Variants in ZNF614 observed in about 807,000 individuals in gnomAD.
ZNF614 encodes zinc finger protein 614.
In ZNF614, 11 loss-of-function variants were observed where a neutral mutation model predicts 12.8. The observed-to-expected ratio is 0.86, with a 90% CI of 0.54 to 1.43. The LOEUF (loss-of-function observed/expected upper bound fraction) is 1.43. ZNF614 is among the 40% of genes most tolerant of loss of function. ZNF614 has a pLI of 0.00. For missense variants in ZNF614, 664 were observed against 708.8 expected (o/e 0.94, Z 0.72); for synonymous variants, 237 against 237.5 (o/e 1.00, Z 0.02).
intron 1 of ZNF614, among the ~76,000 whole-genome samples, chr19:52,026,511 C>G (rs1600040836): frequency 6.6e-6 from 1 of 152,182 alleles, no homozygotes; most frequent in Non-Finnish European, 1.5e-5. Context: ...TGCGGAAGGC[C>G]GCGGGGACCT....
At chr19:52,025,679 GACTTCTTC>G in intron 2 of ZNF614, 44 bp downstream of exon 2, 1 of 1,603,132 alleles carries the variant, frequency 6.2e-7, no homozygotes, top group South Asian at 1.1e-5. Flanking sequence ...AAGTTCAACT[GACTTCTTC>G]AGGCCACCAT....
At chr19:52,025,177 G>C (rs2086963064) in intron 2 of ZNF614, among the ~76,000 whole-genome samples, 1 of 152,170 alleles carries the variant, frequency 6.6e-6, no homozygotes. Flanking sequence ...TGCAAAGAAT[G>C]CCAATATTCC....
At position 52,015,525 on chromosome 19, in the gene ZNF614, A is replaced by G. The variant is rs1490395588; in HGVS notation, c.*315T>C. On this transcript the variant is annotated 3_prime_UTR_variant, in exon 5 of 5. Coordinates refer to ENST00000270649, the MANE Select transcript of ZNF614 (RefSeq NM_025040.4). ...TTGTATTCACAGAATTTATCTCTGT[A>G]TACTTTTCAGACATATGAGCAGAAA... The G allele has an allele frequency of 9.6e-6, 2 of 208,928 alleles. No homozygotes were observed. The highest frequency in any genetic ancestry group is 2.3e-5 in the African/African-American group (1 of 43,064). The allele number at this position is 208,928 out of a possible 1,614,324, so 12.9% of individuals were successfully genotyped here.
At chr19:52,018,988 C>T (rs1382320491) in intron 2 of ZNF614, among the ~76,000 whole-genome samples, 1 of 152,062 alleles carries the variant, frequency 6.6e-6, no homozygotes, top group Non-Finnish European at 1.5e-5. Context: ...CCCACCTCAG[C>T]CTCTCAAGTA....
rs1401106957 is a variant in ZNF614 at position 52,016,922 on chromosome 19, T to C, written c.676A>G (p.Ile226Val). Reference sequence around the variant, plus strand: ...CTTCCAGGATTCTCTTGTATACAAATGTTCTCATGGTAAATGAGCTGAGAC... The same window carrying C: ...CTTCCAGGATTCTCTTGTATACAAACGTTCTCATGGTAAATGAGCTGAGAC... ...RKSQLIYHEN[I>V]CIQENPGSGQ... The change falls in exon 5 of 5, where the codon ATT (isoleucine) becomes GTT (valine). Residue 226 changes from isoleucine to valine, a missense_variant. By Grantham distance (29) the Ile-to-Val change is conservative. Transcript: ENST00000270649. 6.2e-7 allele frequency: 1 copy of C among 1,614,048 alleles called. No homozygotes were observed. The highest frequency in any genetic ancestry group is 1.3e-5 in the African/African-American group (1 of 74,938).
chr19:52,016,544 A>G lies in ZNF614; in HGVS notation c.1054T>C (p.Phe352Leu), dbSNP rs778975386. The G allele has an allele frequency of 1.2e-6, 2 of 1,614,104 alleles. No homozygotes were observed. Among genetic ancestry groups the G allele is most frequent in the Non-Finnish European group, 1.7e-6 (2 of 1,179,960 alleles). Residue 352 changes from phenylalanine to leucine, a missense_variant, in exon 5 of 5, where the codon TTC becomes CTC. Phe to Leu is a conservative substitution (Grantham distance 22, BLOSUM62 0). Coordinates refer to ENST00000270649, the MANE Select transcript of ZNF614 (RefSeq NM_025040.4). The part of the protein sequence containing the change: ...PYICSECGKG[F>L]TMKRYLVVHQ... Reference sequence around the variant, plus strand: ...ACAACAAGATAGCGCTTCATGGTGAAGCCTTTTCCACATTCACTGCATATA... The same window carrying G: ...ACAACAAGATAGCGCTTCATGGTGAGGCCTTTTCCACATTCACTGCATATA...
chr19:52,018,438 G>C lies in ZNF614; in HGVS notation c.72C>G (p.Leu24=), dbSNP rs760868397. ...ACAGGTTCTTCTGAGCAGTGTCCAG[G>C]AGCTGCCACTCCTCCCAGCTGAATT... is the stretch of plus-strand genomic sequence containing the variant. ...AVEFSWEEWQ[L]LDTAQKNLYR... Residue 24 remains leucine (L), a synonymous_variant, in exon 3 of 5, where the codon CTC becomes CTG. Transcript: ENST00000270649. The C allele has an allele frequency of 6.2e-7, 1 of 1,614,110 alleles. No homozygotes were observed. The highest frequency in any genetic ancestry group is 8.5e-7 in the Non-Finnish European group (1 of 1,179,998).
rs1291896564 is a variant in ZNF614, at chr19:52,016,335, A to G, written c.1263T>C (p.His421=). 1 of 1,610,542 alleles carries G rather than the reference A, an allele frequency of 6.2e-7. No homozygotes were observed. Among genetic ancestry groups the G allele is most frequent in the African/African-American group, 1.3e-5 (1 of 74,898 alleles). ...KRTLVIHQRT[H]TGEKSYICNE... ...TGCATATGTAAGATTTCTCTCCTGT[A>G]TGAGTTCGCTGATGTATAACGAGAG... Residue 421 remains histidine (H), a synonymous_variant, in exon 5 of 5, where the codon CAT becomes CAC. Coordinates refer to ENST00000270649, the MANE Select transcript of ZNF614 (RefSeq NM_025040.4).
Position 52,016,156 on chromosome 19 carries a change from G to A in ZNF614, c.1442C>T (p.Thr481Ile). The change falls in exon 5 of 5, where the codon ACT becomes ATT. Residue 481 changes from threonine (T) to isoleucine (I), a missense_variant. Physicochemically the swap from Thr to Ile is moderately conservative, Grantham distance 89. Transcript: ENST00000270649. ...TCCGCACTCGGTACATACAAAGGGA[G>A]TCTTTCCTGTATGACATCTCTCATG... The part of the protein sequence containing the change: ...IQHERCHTGK[T>I]PFVCTECGKS... 6.2e-7 allele frequency: 1 copy of A among 1,614,156 alleles called. No homozygotes were observed. Among genetic ancestry groups the A allele is most frequent in the Non-Finnish European group, 8.5e-7 (1 of 1,180,028 alleles).
At position 52,025,974 on chromosome 19, in the gene ZNF614, A is replaced by T; in HGVS notation, c.-216-13T>A. 1.9e-6 allele frequency: 1 copy of T among 526,548 alleles called. No individual in the cohort carries two copies. The highest frequency in any genetic ancestry group is 3.2e-5 in the East Asian group (1 of 30,852). 32.6% of individuals were successfully genotyped at this position (526,548 alleles called of 1,614,324 possible). A position where few individuals can be genotyped will look rare whatever the true frequency, so the allele number is the denominator to read the frequency against. On this transcript the variant is annotated splice_polypyrimidine_tract_variant and intron_variant, in intron 1 of 4. Coordinates refer to ENST00000270649, the MANE Select transcript of ZNF614 (RefSeq NM_025040.4). ...CAGGACCTGAGGACTGATAAACAAA[A>T]TGGCTTTCAGTGTACATTAACCCTG...
rs1394755086 is a variant in ZNF614, at chr19:52,025,976, G to A, written c.-216-15C>T. On this transcript the variant is annotated splice_polypyrimidine_tract_variant and intron_variant, in intron 1 of 4. Transcript: ENST00000270649. ...GGACCTGAGGACTGATAAACAAAAT[G>A]GCTTTCAGTGTACATTAACCCTGGG... 8 of 522,108 alleles carry A rather than the reference G, an allele frequency of 1.5e-5. No homozygotes were observed. In the East Asian group the frequency reaches 2.3e-4, roughly 15 times the overall value. The allele number at this position is 522,108 out of a possible 1,614,324, so 32.3% of individuals were successfully genotyped here.
Position 52,025,946 on chromosome 19 carries a change from A to G in ZNF614, c.-201T>C. On this transcript the variant is annotated 5_prime_UTR_variant, in exon 2 of 5. Coordinates refer to ENST00000270649, the MANE Select transcript of ZNF614 (RefSeq NM_025040.4). ...TCACTTGAGTTATTTTGCTTCTGGG[A>G]GCCAGGACCTGAGGACTGATAAACA... is the stretch of plus-strand genomic sequence containing the variant. 1.7e-6 allele frequency: 1 copy of G among 582,870 alleles called. No individual in the cohort carries two copies. The highest frequency in any genetic ancestry group is 3.0e-6 in the Non-Finnish European group (1 of 330,734). 36.1% of individuals were successfully genotyped at this position (582,870 alleles called of 1,614,324 possible). A position where few individuals can be genotyped will look rare whatever the true frequency, so the allele number is the denominator to read the frequency against.
rs2086903431 is a variant in ZNF614, at chr19:52,017,089, T to C, written c.509A>G (p.His170Arg). The change falls in exon 5 of 5, where the codon CAT becomes CGT. Residue 170 changes from histidine (H) to arginine (R), a missense_variant. His to Arg is a conservative substitution (Grantham distance 29). Transcript: ENST00000270649. ...TCTAGTTTTAGTATGCGTACGTTCA[T>C]GCTTACCATGTAGAAGTGTTTTCTC... ...GGEKTLLHGKHERTHTKTRFS... is the reference protein window; with the variant it reads ...GGEKTLLHGKRERTHTKTRFS... The C allele has an allele frequency of 6.2e-7, 1 of 1,614,098 alleles. No homozygotes were observed. The highest frequency in any genetic ancestry group is 1.3e-5 in the African/African-American group (1 of 74,948).
At position 52,016,540 on chromosome 19, in the gene ZNF614, G is replaced by T. The variant is rs371440840; in HGVS notation, c.1058C>A (p.Thr353Asn). 2 of 1,613,884 alleles carry T rather than the reference G, an allele frequency of 1.2e-6. No individual in the cohort carries two copies. Among genetic ancestry groups the T allele is most frequent in the African/African-American group, 2.7e-5 (2 of 74,884 alleles). ...YICSECGKGFTMKRYLVVHQR... is the reference protein window; with the variant it reads ...YICSECGKGFNMKRYLVVHQR... ...ATGTACAACAAGATAGCGCTTCATG[G>T]TGAAGCCTTTTCCACATTCACTGCA... Residue 353 changes from threonine to asparagine, a missense_variant, in exon 5 of 5, where the codon ACC (threonine) becomes AAC (asparagine). Physicochemically the swap from Thr to Asn is moderately conservative, Grantham distance 65 (BLOSUM62 0). Transcript: ENST00000270649.
chr19:52,016,975 A>G lies in ZNF614; in HGVS notation c.623T>C (p.Ile208Thr), dbSNP rs778031949. ...CCTAAGGAAGGTTTGCTCACATTCA[A>G]TGCATGCATGGGGTTTCTCAATTTT... ...TQKIEKPHAC[I>T]ECEQTFLRKS... Residue 208 changes from isoleucine to threonine, a missense_variant, in exon 5 of 5, where the codon ATT becomes ACT. Transcript: ENST00000270649. The G allele has an allele frequency of 1.5e-5, 25 of 1,613,892 alleles. No homozygotes were observed. The East Asian group carries it at 4.0e-4, about 26-fold the overall frequency.
In ZNF614 at chr19:52,016,282, T is replaced by C; in HGVS notation, c.1316A>G (p.Lys439Arg). The change falls in exon 5 of 5, where the codon AAG (lysine) becomes AGG (arginine). Residue 439 changes from lysine to arginine, a missense_variant. Lys to Arg is a conservative substitution (Grantham distance 26). Coordinates refer to ENST00000270649, the MANE Select transcript of ZNF614 (RefSeq NM_025040.4). ...CNECGKGFTT[K>R]RTLIIHQRTH... ...TCGCTGATGTATAATAAGAGTGCGC[T>C]TTGTGGTGAAGCCTTTACCACATTC... The C allele has an allele frequency of 1.2e-6, 2 of 1,614,200 alleles. No homozygotes were observed. The highest frequency in any genetic ancestry group is 2.2e-5 in the South Asian group (2 of 91,074).
At chr19:52,020,691 G>A (rs961670309) in intron 2 of ZNF614, among the ~76,000 whole-genome samples, 1 of 152,126 alleles carries the variant, frequency 6.6e-6, no homozygotes, top group African/African-American at 2.4e-5. Flanking sequence ...ATCACTTAGT[G>A]CGCTTTTTGG....
At chr19:52,021,221 A>G (rs2086931148) in intron 2 of ZNF614, among the ~76,000 whole-genome samples, 1 of 152,182 alleles carries the variant, frequency 6.6e-6, no homozygotes, top group Non-Finnish European at 1.5e-5. Context: ...CACATAAGTG[A>G]GCTTAGAACT....
intron 2 of ZNF614, among the ~76,000 whole-genome samples, chr19:52,023,923 C>G (rs2123127366): frequency 6.6e-6 from 1 of 152,236 alleles, no homozygotes; most frequent in East Asian, 1.9e-4. Flanking sequence ...CCAACCAACC[C>G]CTGACCTCTG....
Sources: allele counts gnomAD v4.1 joint callset (sites outside exome capture counted in the v4.1 genomes callset), GRCh38; gene constraint gnomAD v4.1.1; transcripts MANE v1.5; gene names NCBI Gene and HGNC (gene_info 2026-07-23, HGNC 2026-07-21).